TMEM51: variants seen among roughly 807,000 people sequenced by gnomAD.
TMEM51 encodes chromosome 1 open reading frame 72.
Under a neutral mutation model 13.6 loss-of-function variants are expected in TMEM51, and 8 were observed. That is an observed-to-expected ratio of 0.59 (90% confidence interval 0.35 to 1.07). The LOEUF is 1.07. Ranked by LOEUF, TMEM51 falls within the 50% of genes least tolerant of loss-of-function variation. TMEM51 has a pLI of 0.02. For synonymous variants in TMEM51, 147 were observed against 144.4 expected, an observed-to-expected ratio of 1.02 and a Z score of -0.13; for missense variants, 279 against 330.7, an observed-to-expected ratio of 0.84 and a Z score of 1.21.
intron 1 of TMEM51, among the ~76,000 whole-genome samples, chr1:15,159,589 G>T (rs888831930): frequency 6.6e-6 from 1 of 152,050 alleles, no homozygotes; most frequent in Non-Finnish European, 1.5e-5. Context: ...ACAGAGTCTC[G>T]CTCTGTTGCC....
chr1:15,189,999 C>A (rs1248785408), intron 1 of TMEM51, among the ~76,000 whole-genome samples: 1 of 152,224 alleles, frequency 6.6e-6, no homozygotes, highest in Non-Finnish European at 1.5e-5. Flanking sequence ...TGGGACAACC[C>A]CTCATCCCCT....
intron 1 of TMEM51, among the ~76,000 whole-genome samples, chr1:15,158,004 G>T (rs1474423824): frequency 1.3e-5 from 2 of 152,124 alleles, no homozygotes; most frequent in African/African-American, 4.8e-5. Flanking sequence ...TGTTGCCCAG[G>T]TTAGTCTTGA....
At chr1:15,187,407 GCTT>G (rs1277523160) in intron 1 of TMEM51, among the ~76,000 whole-genome samples, 6 of 152,314 alleles carry the variant, frequency 3.9e-5, no homozygotes, top group African/African-American at 1.2e-4. Context: ...TCTCACTGCG[GCTT>G]CTTCTCTCTT....
rs143155514 is a variant in TMEM51, at chr1:15,196,629, C to T, written c.-266-13861C>T. On this transcript the variant is annotated intron_variant, in intron 1 of 3. Transcript: ENST00000376008. ...TGAGCCTCGCAAAGCACTGGCATTA[C>T]AGGCATGAACTATTGTACCCAGCCC... Among the ~76,000 whole-genome samples, 404 of 152,348 alleles carry T rather than the reference C, an allele frequency of 2.7e-3. 1 individual carries two copies. Among genetic ancestry groups the T allele is most frequent in the African/African-American group, 9.1e-3 (377 of 41,582 alleles).
intron 1 of TMEM51, among the ~76,000 whole-genome samples, chr1:15,173,826 G>A (rs1175476801): frequency 1.3e-5 from 2 of 152,126 alleles, no homozygotes; most frequent in Non-Finnish European, 2.9e-5. Context: ...TTTTGTGTCT[G>A]TCACCTTGAC....
chr1:15,165,871 G>C (rs901735752), intron 1 of TMEM51, among the ~76,000 whole-genome samples: 2 of 152,188 alleles, frequency 1.3e-5, no homozygotes, highest in African/African-American at 4.8e-5. Context: ...CTGGGAGGTG[G>C]AGGTTGCGGT....
rs1642779792 is a variant in TMEM51 at position 15,161,498 on chromosome 1, C to G, written c.-267+7544C>G. Reference sequence around the variant, plus strand: ...CCAGCCTGGGCAACAGAGTGAGACTCATCTCAAAAAAACAAAAGTCATTTT... The same window carrying G: ...CCAGCCTGGGCAACAGAGTGAGACTGATCTCAAAAAAACAAAAGTCATTTT... On this transcript the variant is annotated intron_variant, in intron 1 of 3. Coordinates refer to ENST00000376008, the MANE Select transcript of TMEM51 (RefSeq NM_001136218.2). The surrounding 1 kb of genome is among the most constrained non-coding windows in gnomAD (Gnocchi z 4.0). Among the ~76,000 whole-genome samples the G allele has an allele frequency of 1.4e-5, 2 of 148,136 alleles. No individual in the cohort carries two copies. Among genetic ancestry groups the G allele is most frequent in the South Asian group, 4.2e-4 (2 of 4,728 alleles).
intron 1 of TMEM51, among the ~76,000 whole-genome samples, chr1:15,196,207 T>G (rs973873013): frequency 3.3e-5 from 5 of 152,192 alleles, no homozygotes; most frequent in African/African-American, 4.8e-5. Context: ...TGAACTCAGC[T>G]GGAGACCTGC....
At chr1:15,171,493 T>C (rs1471749504) in intron 1 of TMEM51, among the ~76,000 whole-genome samples, 1 of 152,082 alleles carries the variant, frequency 6.6e-6, no homozygotes, top group Non-Finnish European at 1.5e-5. Context: ...CCCAGCCAAG[T>C]GTCCGCGGGG....
intron 1 of TMEM51, among the ~76,000 whole-genome samples, chr1:15,163,092 G>T (rs1349272986): frequency 1.3e-5 from 2 of 151,920 alleles, no homozygotes; most frequent in Non-Finnish European, 2.9e-5. Flanking sequence ...ATAGTCATTT[G>T]GCCATATCAT....
chr1:15,182,073 A>G (rs1643633030), intron 1 of TMEM51, among the ~76,000 whole-genome samples: 1 of 152,164 alleles, frequency 6.6e-6, no homozygotes, highest in African/African-American at 2.4e-5. Flanking sequence ...AGGCAGGAGA[A>G]TCGCTTGAAC....
At chr1:15,190,256 T>C (rs6670249) in intron 1 of TMEM51, among the ~76,000 whole-genome samples, 91,635 of 152,078 alleles carry the variant, frequency 0.6, 28,310 homozygotes, top group East Asian at 0.93. Context: ...GCTCGAGTGT[T>C]TGTGACTCTA....
In TMEM51 at chr1:15,220,163, C is replaced by A; in HGVS notation, c.*420C>A. ...AAACAAGTTTTGTGTTTGCTGTCTA[C>A]GCTGGAGTCCTGAACTGTGGGTAGA... On this transcript the variant is annotated 3_prime_UTR_variant, in exon 4 of 4. Coordinates refer to ENST00000376008, the MANE Select transcript of TMEM51 (RefSeq NM_001136218.2). The A allele has an allele frequency of 5.2e-6, 1 of 191,798 alleles. No homozygotes were observed. The highest frequency in any genetic ancestry group is 1.1e-5 in the Non-Finnish European group (1 of 91,596). The allele number at this position is 191,798 out of a possible 1,614,324, so 11.9% of individuals were successfully genotyped here.
At position 15,170,366 on chromosome 1, in the gene TMEM51, T is replaced by C. The variant is rs78072875; in HGVS notation, c.-267+16412T>C. Among the ~76,000 whole-genome samples the C allele has an allele frequency of 3.7e-3, 555 of 151,372 alleles. 4 individuals carry two copies. Among genetic ancestry groups the C allele is most frequent in the African/African-American group, 0.013 (528 of 41,298 alleles). ...GCTGGGTTTTTTTTTATCTTTTTTTTTTTTTGAGATGGAGTCACTGCAACC... is the reference window on the plus strand; with the variant it reads ...GCTGGGTTTTTTTTTATCTTTTTTTCTTTTTGAGATGGAGTCACTGCAACC... On this transcript the variant is annotated intron_variant, in intron 1 of 3. Coordinates refer to ENST00000376008, the MANE Select transcript of TMEM51 (RefSeq NM_001136218.2).
At chr1:15,157,930 T>G (rs1053601657) in intron 1 of TMEM51, among the ~76,000 whole-genome samples, 5 of 152,188 alleles carry the variant, frequency 3.3e-5, no homozygotes, top group African/African-American at 9.6e-5. Flanking sequence ...TTTTGTTTGC[T>G]GAGCTGTTTC....
intron 1 of TMEM51, among the ~76,000 whole-genome samples, chr1:15,195,515 C>T (rs1644029514): frequency 6.6e-6 from 1 of 152,056 alleles, no homozygotes; most frequent in Non-Finnish European, 1.5e-5. Flanking sequence ...TAGTTTGTTC[C>T]CATGAGTCCC....
At chr1:15,163,056 G>A (rs1377181461) in intron 1 of TMEM51, among the ~76,000 whole-genome samples, 1 of 151,886 alleles carries the variant, frequency 6.6e-6, no homozygotes, top group Non-Finnish European at 1.5e-5. Context: ...GGTGGGTGGG[G>A]GAGTCATTTT....
rs1644263018 is a variant in TMEM51, at chr1:15,207,069, G to T, written c.-266-3421G>T. Among the ~76,000 whole-genome samples, 1 of 152,222 alleles carries T rather than the reference G, an allele frequency of 6.6e-6. No homozygotes were observed. The highest frequency in any genetic ancestry group is 6.5e-5 in the Admixed American group (1 of 15,286). On this transcript the variant is annotated intron_variant, in intron 1 of 3. Transcript: ENST00000376008. The surrounding 1 kb of genome is among the most constrained non-coding windows in gnomAD (Gnocchi z 4.6). Reference sequence around the variant, plus strand: ...TGTGGGCTGAAACTTGGCAGAGAGAGCCCCACTGAATTCCTCCTTTGTGAT... The same window carrying T: ...TGTGGGCTGAAACTTGGCAGAGAGATCCCCACTGAATTCCTCCTTTGTGAT...
At chr1:15,171,156 G>C (rs1258766683) in intron 1 of TMEM51, 2 of 1,301,660 alleles carry the variant, frequency 1.5e-6, no homozygotes, top group Non-Finnish European at 2.0e-6. Context: ...GGTCTGAGTG[G>C]GGCCCCAGGA....
Sources: gnomAD v4.1 joint callset for allele counts (sites outside exome capture counted in the v4.1 genomes callset) on GRCh38, gnomAD v4.1.1 for gene constraint, Gnocchi (gnomAD v3.1) non-coding constraint, MANE v1.5 for transcripts, NCBI Gene and HGNC (gene_info 2026-07-23, HGNC 2026-07-21) for gene names.